The following UBTD1 variants were observed in gnomAD, a reference collection of about 807,000 sequenced individuals.
UBTD1 encodes ubiquitin domain-containing protein 1.
In UBTD1, 19 loss-of-function variants were observed where a neutral mutation model predicts 21.7. The observed-to-expected ratio is 0.87, with a 90% CI of 0.61 to 1.28. The LOEUF (loss-of-function observed/expected upper bound fraction) is 1.28. Ranked by LOEUF, UBTD1 falls within the 50% of genes most tolerant of loss-of-function variation. The probability of loss-of-function intolerance (pLI) is 0.00; values close to 1 mark genes in which losing one functional copy is unlikely to be tolerated. For missense variants in UBTD1, 282 were observed against 315.1 expected (o/e 0.89, Z 0.80); for synonymous variants, 116 against 135.1 (o/e 0.86, Z 0.98).
chr10:97,502,867 G>A (rs528971521), intron 1 of UBTD1, among the ~76,000 whole-genome samples: 13 of 146,034 alleles, frequency 8.9e-5, no homozygotes, highest in Non-Finnish European at 1.6e-4. Flanking sequence ...GTATATATAC[G>A]TATATATGTA....
chr10:97,553,293 G>A (rs1393193118), intron 1 of UBTD1, among the ~76,000 whole-genome samples: 4 of 152,004 alleles, frequency 2.6e-5, no homozygotes, highest in Non-Finnish European at 2.9e-5. Flanking sequence ...CACCATGCCC[G>A]GCTAATTTTT....
Position 97,498,961 on chromosome 10 carries a change from C to T in UBTD1, c.-243C>T, listed in dbSNP as rs1407061044. On this transcript the variant is annotated 5_prime_UTR_variant, in exon 1 of 3. Coordinates refer to ENST00000370664, the MANE Select transcript of UBTD1 (RefSeq NM_024954.5). ...CCAGCGGAGCTGGTCTCCGGCCGGGCACCGTCGCGGGCCCCCCTGGCCCGG... is the reference window on the plus strand; with the variant it reads ...CCAGCGGAGCTGGTCTCCGGCCGGGTACCGTCGCGGGCCCCCCTGGCCCGG... 4 of 445,106 alleles carry T rather than the reference C, an allele frequency of 9.0e-6. No individual in the cohort carries two copies. The highest frequency in any genetic ancestry group is 4.1e-5 in the African/African-American group (2 of 48,452). 27.6% of individuals were successfully genotyped at this position (445,106 alleles called of 1,614,324 possible).
chr10:97,544,029 C>T (rs553431260), intron 1 of UBTD1, among the ~76,000 whole-genome samples: 1 of 152,184 alleles, frequency 6.6e-6, no homozygotes, highest in South Asian at 2.1e-4. Flanking sequence ...TGTCTGTAAT[C>T]CGAGCACTTT....
chr10:97,499,309 C>T (rs2040305404), intron 1 of UBTD1, 36 bp downstream of exon 1: 5 of 1,540,182 alleles, frequency 3.2e-6, no homozygotes, highest in Non-Finnish European at 4.4e-6. Context: ...CTCGGGCATC[C>T]CGCCAGTTGT....
intron 1 of UBTD1, among the ~76,000 whole-genome samples, chr10:97,500,776 C>T (rs1461480719): frequency 6.6e-6 from 1 of 152,170 alleles, no homozygotes; most frequent in Non-Finnish European, 1.5e-5. Context: ...CACTCTCTCC[C>T]AGAGAAATCT....
At chr10:97,536,111 G>A (rs2040560388) in intron 1 of UBTD1, among the ~76,000 whole-genome samples, 1 of 151,814 alleles carries the variant, frequency 6.6e-6, no homozygotes, top group African/African-American at 2.4e-5. Context: ...TCCTGCCTCA[G>A]CCTCCCAAGT....
chr10:97,517,892 G>A (rs1320127943), intron 1 of UBTD1, among the ~76,000 whole-genome samples: 6 of 152,136 alleles, frequency 3.9e-5, no homozygotes, highest in Admixed American at 3.9e-4. Flanking sequence ...GAGACCAGCA[G>A]CAGGGCTGAG....
At position 97,567,906 on chromosome 10, in the gene UBTD1, C is replaced by T; in HGVS notation, c.71-8C>T. 6.2e-7 allele frequency: 1 copy of T among 1,614,000 alleles called. No individual in the cohort carries two copies. The highest frequency in any genetic ancestry group is 2.2e-5 in the East Asian group (1 of 44,866). On this transcript the variant is annotated splice_region_variant and splice_polypyrimidine_tract_variant and intron_variant, in intron 1 of 2. Coordinates refer to ENST00000370664, the MANE Select transcript of UBTD1 (RefSeq NM_024954.5). ...GAGATGCTGAGCCTCTCCTTCTGTC[C>T]TGCCCAGGACGCAATGAGCCCCTGA...
At chr10:97,557,426 G>A (rs573366322) in intron 1 of UBTD1, among the ~76,000 whole-genome samples, 20 of 152,198 alleles carry the variant, frequency 1.3e-4, no homozygotes, top group African/African-American at 4.8e-4. Context: ...CACTCGTGCA[G>A]GAGGGGCTGA....
intron 1 of UBTD1, among the ~76,000 whole-genome samples, chr10:97,545,411 G>GT (rs1564741809): frequency 1.6e-4 from 6 of 38,084 alleles, no homozygotes; most frequent in African/African-American, 4.6e-4. Context: ...TGTGTGTGTG[G>GT]GTGTGGGTGT....
At chr10:97,502,261 A>G (rs1338081747) in intron 1 of UBTD1, among the ~76,000 whole-genome samples, 2 of 152,146 alleles carry the variant, frequency 1.3e-5, no homozygotes, top group East Asian at 1.9e-4. Flanking sequence ...TTATTCATAA[A>G]GTCCAAAGCC....
intron 1 of UBTD1, among the ~76,000 whole-genome samples, chr10:97,566,106 A>G (rs2040715782): frequency 6.6e-6 from 1 of 152,118 alleles, no homozygotes; most frequent in Admixed American, 6.5e-5. Context: ...CATTTTTAAA[A>G]AATCTCCTTG....
intron 1 of UBTD1, among the ~76,000 whole-genome samples, chr10:97,540,092 CCT>C (rs2040580887): frequency 6.6e-6 from 1 of 152,200 alleles, no homozygotes; most frequent in Non-Finnish European, 1.5e-5. Flanking sequence ...GGGGTCATCG[CCT>C]CTCCTCCAGA....
chr10:97,568,262 A>G (rs2040727974), intron 2 of UBTD1, 121 bp downstream of exon 2: 1 of 992,966 alleles, frequency 1.0e-6, no homozygotes, highest in Non-Finnish European at 1.5e-6. Flanking sequence ...CATTCATTCA[A>G]GCACCCCTTA....
At chr10:97,528,817 G>A (rs2040508115) in intron 1 of UBTD1, among the ~76,000 whole-genome samples, 1 of 140,134 alleles carries the variant, frequency 7.1e-6, no homozygotes. Context: ...GCCGGGCAGA[G>A]GGGCTCCTCA....
At chr10:97,529,079 C>G (rs1190171560) in intron 1 of UBTD1, among the ~76,000 whole-genome samples, 1 of 151,816 alleles carries the variant, frequency 6.6e-6, no homozygotes, top group Non-Finnish European at 1.5e-5. Flanking sequence ...CTCCTCACCT[C>G]CCAGACAGGG....
At chr10:97,543,823 T>G (rs1463502976) in intron 1 of UBTD1, among the ~76,000 whole-genome samples, 1 of 152,214 alleles carries the variant, frequency 6.6e-6, no homozygotes, top group Non-Finnish European at 1.5e-5. Flanking sequence ...GGGTCTTTTC[T>G]ACCTCCAGCC....
At chr10:97,499,400 C>A in intron 1 of UBTD1, 127 bp downstream of exon 1, 2 of 1,227,270 alleles carry the variant, frequency 1.6e-6, no homozygotes, top group Non-Finnish European at 2.2e-6. Flanking sequence ...TGGGCTGCTC[C>A]GCAGCCAGAG....
At chr10:97,523,821 C>G (rs1249024149) in intron 1 of UBTD1, among the ~76,000 whole-genome samples, 1 of 151,942 alleles carries the variant, frequency 6.6e-6, no homozygotes, top group East Asian at 1.9e-4. Flanking sequence ...GACTGTTGGT[C>G]TCTGTGGCCT....
Sources: allele counts gnomAD v4.1 joint callset (sites outside exome capture counted in the v4.1 genomes callset), GRCh38; gene constraint gnomAD v4.1.1; transcripts MANE v1.5; gene names NCBI Gene and HGNC (gene_info 2026-07-23, HGNC 2026-07-21).